ATP5F1B: variants seen among roughly 807,000 people sequenced by gnomAD.
ATP5F1B encodes ATP synthase F(1) complex subunit beta, mitochondrial.
A neutral mutation model predicts 45.9 loss-of-function variants in ATP5F1B; 17 were observed. The observed-to-expected ratio is 0.37, with a 90% confidence interval of 0.25 to 0.56. The LOEUF is 0.56. Among genes scored for constraint, ATP5F1B ranks in the 20% least tolerant of loss-of-function variants. ATP5F1B has a pLI of 0.80. For synonymous variants in ATP5F1B, 218 were observed against 256.5 expected (o/e 0.85, Z 1.43); for missense variants, 387 against 673.2 (o/e 0.57, Z 4.70).
At chr12:56,645,125 T>C (rs1337050316) in intron 2 of ATP5F1B, 46 bp downstream of exon 2, 3 of 1,612,684 alleles carry the variant, frequency 1.9e-6, no homozygotes, top group African/African-American at 1.3e-5. Flanking sequence ...TTTGGGGATA[T>C]TTGGGCTACA....
Position 56,639,092 on chromosome 12 carries a change from A to T in ATP5F1B, c.1489+14T>A, listed in dbSNP as rs926587967. The T allele has an allele frequency of 3.7e-6, 6 of 1,612,874 alleles. No individual in the cohort carries two copies. The Admixed American group carries it at 1.0e-4, about 27-fold the overall frequency. On this transcript the variant is annotated intron_variant, in intron 9 of 9. Coordinates refer to ENST00000262030, the MANE Select transcript of ATP5F1B (RefSeq NM_001686.4). ...AGCACAGTAAACATTCAAGATTTGT[A>T]CTCAAAATCTCACCTGCCAAAATCT...
chr12:56,645,980 A>G lies in ATP5F1B; in HGVS notation c.-17T>C, dbSNP rs1412983811. Reference sequence around the variant, plus strand: ...CCCCAACATGGCGTAGTCCGGGTGGAGACTGAAGGCTGCAGCAACCGCAGC... The same window carrying G: ...CCCCAACATGGCGTAGTCCGGGTGGGGACTGAAGGCTGCAGCAACCGCAGC... On this transcript the variant is annotated 5_prime_UTR_variant, in exon 1 of 10. Transcript: ENST00000262030. The G allele has an allele frequency of 5.7e-6, 9 of 1,588,080 alleles. No homozygotes were observed. Among genetic ancestry groups the G allele is most frequent in the Non-Finnish European group, 7.7e-6 (9 of 1,167,946 alleles).
At position 56,644,763 on chromosome 12, in the gene ATP5F1B, G is replaced by C; in HGVS notation, c.485+18C>G. 1 of 1,601,336 alleles carries C rather than the reference G, an allele frequency of 6.2e-7. No individual in the cohort carries two copies. ...AACAGAAGTTCCTTTGTGCATAGAT[G>C]CAATAAGAGCAACTTACTGTTTGGT... On this transcript the variant is annotated intron_variant, in intron 3 of 9. Coordinates refer to ENST00000262030, the MANE Select transcript of ATP5F1B (RefSeq NM_001686.4).
At chr12:56,642,641 T>G in intron 6 of ATP5F1B, 32 bp downstream of exon 6, 1 of 1,614,060 alleles carries the variant, frequency 6.2e-7, no homozygotes, top group Non-Finnish European at 8.5e-7. Context: ...AAAGGCCAGA[T>G]GAACCAGGTC....
chr12:56,639,698 G>C (rs1235404985), intron 8 of ATP5F1B, among the ~76,000 whole-genome samples: 1 of 151,496 alleles, frequency 6.6e-6, no homozygotes, highest in Non-Finnish European at 1.5e-5. Flanking sequence ...TTGAACCTGG[G>C]AGGCGGAGGT....
chr12:56,643,614 T>C (rs1256565793), intron 4 of ATP5F1B, 27 bp from the exon 5 acceptor site: 2 of 1,612,724 alleles, frequency 1.2e-6, no homozygotes, highest in African/African-American at 1.3e-5. Context: ...AGAAAGAATA[T>C]TTAAGAGTTC....
At chr12:56,642,035 C>T (rs2137545134) in intron 7 of ATP5F1B, among the ~76,000 whole-genome samples, 1 of 152,056 alleles carries the variant, frequency 6.6e-6, no homozygotes, top group African/African-American at 2.4e-5. Flanking sequence ...CTGACTCTGT[C>T]ACCCAGGCTG....
At chr12:56,645,058 A>G (rs1951539749) in intron 2 of ATP5F1B, 103 bp from the exon 3 acceptor site, 1 of 1,605,240 alleles carries the variant, frequency 6.2e-7, no homozygotes. Flanking sequence ...GCTTCAGCAA[A>G]CTCAGAAGAA....
chr12:56,643,268 G>C, intron 5 of ATP5F1B, 135 bp downstream of exon 5: 1 of 781,174 alleles, frequency 1.3e-6, no homozygotes, highest in Non-Finnish European at 1.9e-6. Context: ...TGTAGGCCCT[G>C]GGACACGAAA....
chr12:56,641,201 C>A (rs1022259787), intron 7 of ATP5F1B, among the ~76,000 whole-genome samples: 2 of 151,788 alleles, frequency 1.3e-5, no homozygotes, highest in Admixed American at 1.3e-4. Flanking sequence ...CCCGTCTCTA[C>A]TAAAAATACA....
At position 56,644,770 on chromosome 12, in the gene ATP5F1B, G is replaced by C; in HGVS notation, c.485+11C>G. 1 of 1,606,266 alleles carries C rather than the reference G, an allele frequency of 6.2e-7. No individual in the cohort carries two copies. The highest frequency in any genetic ancestry group is 8.5e-7 in the Non-Finnish European group (1 of 1,174,488). On this transcript the variant is annotated intron_variant, in intron 3 of 9. Coordinates refer to ENST00000262030, the MANE Select transcript of ATP5F1B (RefSeq NM_001686.4). ...GTTCCTTTGTGCATAGATGCAATAAGAGCAACTTACTGTTTGGTTTTGATG... is the reference window on the plus strand; with the variant it reads ...GTTCCTTTGTGCATAGATGCAATAACAGCAACTTACTGTTTGGTTTTGATG...
intron 1 of ATP5F1B, 151 bp downstream of exon 1, chr12:56,645,686 C>A (rs1374413110): frequency 7.2e-7 from 1 of 1,386,938 alleles, no homozygotes; most frequent in East Asian, 2.5e-5. Context: ...ATGGGTGTCC[C>A]ATTCTTGTTC....
At position 56,643,933 on chromosome 12, in the gene ATP5F1B, G is replaced by A. The variant is rs371739562; in HGVS notation, c.511C>T (p.Pro171Ser). The change falls in exon 4 of 10, where the codon CCA (proline) becomes TCA (serine). Residue 171 changes from proline (P) to serine (S), a missense_variant. Coordinates refer to ENST00000262030, the MANE Select transcript of ATP5F1B (RefSeq NM_001686.4). ...TCAACACTCATTTCCATGAACTCTG[G>A]AGCCTCAGCATGAATGGGAGCAAAT... ...KQFAPIHAEA[P>S]EFMEMSVEQE... 6.2e-7 allele frequency: 1 copy of A among 1,614,024 alleles called. No homozygotes were observed. The highest frequency in any genetic ancestry group is 1.3e-5 in the African/African-American group (1 of 74,920).
chr12:56,639,959 C>A, intron 8 of ATP5F1B, 21 bp downstream of exon 8: 2 of 1,612,760 alleles, frequency 1.2e-6, no homozygotes, highest in South Asian at 2.2e-5. Context: ...GGACACTGAT[C>A]CCACATAGTA....
chr12:56,642,420 T>C, intron 7 of ATP5F1B, 38 bp downstream of exon 7: 1 of 1,611,654 alleles, frequency 6.2e-7, no homozygotes, highest in Non-Finnish European at 8.5e-7. Context: ...ACCCTGCCTT[T>C]ATACAAATCA....
Position 56,645,829 on chromosome 12 carries a change from G to A in ATP5F1B, c.127+8C>T, listed in dbSNP as rs1951545497. The A allele has an allele frequency of 1.2e-6, 2 of 1,607,542 alleles. No homozygotes were observed. The highest frequency in any genetic ancestry group is 8.5e-7 in the Non-Finnish European group (1 of 1,177,202). On this transcript the variant is annotated splice_region_variant and intron_variant, in intron 1 of 9. Coordinates refer to ENST00000262030, the MANE Select transcript of ATP5F1B (RefSeq NM_001686.4). ...ATGGAACGTTAGCTCCTAGAGAAAA[G>A]CACTTACCAGGATGGACCGCCGTCG...
chr12:56,639,837 C>A (rs1195970531), intron 8 of ATP5F1B, 143 bp downstream of exon 8: 4 of 746,224 alleles, frequency 5.4e-6, no homozygotes, highest in Non-Finnish European at 8.7e-6. Flanking sequence ...CTCAAGAGAC[C>A]TCATTAGCTC....
intron 5 of ATP5F1B, 68 bp from the exon 6 acceptor site, chr12:56,642,899 A>G (rs1273019089): frequency 2.6e-6 from 4 of 1,543,520 alleles, no homozygotes; most frequent in Non-Finnish European, 3.5e-6. Flanking sequence ...GAAGGTTCCC[A>G]AATCGGAGAA....
Position 56,638,357 on chromosome 12 carries a change from T to G in ATP5F1B, c.1556A>C (p.Lys519Thr). The G allele has an allele frequency of 6.2e-7, 1 of 1,614,026 alleles. No homozygotes were observed. The highest frequency in any genetic ancestry group is 8.5e-7 in the Non-Finnish European group (1 of 1,179,992). Residue 519 changes from lysine to threonine, a missense_variant, in exon 10 of 10, where the codon AAA becomes ACA. By Grantham distance (78) the Lys-to-Thr change is moderately conservative. Transcript: ENST00000262030. ...ATGCTCTTCAGCCAGCTTATCAGCT[T>G]TTGCCACAGCTTCTTCAATGGGTCC... The part of the protein sequence containing the change: ...MVGPIEEAVA[K>T]ADKLAEEHSS
Sources: allele counts gnomAD v4.1 joint callset (sites outside exome capture counted in the v4.1 genomes callset), GRCh38; gene constraint gnomAD v4.1.1; transcripts MANE v1.5; gene names NCBI Gene and HGNC (gene_info 2026-07-23, HGNC 2026-07-21).